KASH5: variants seen among roughly 807,000 people sequenced by gnomAD.
KASH5 encodes the protein KASH domain containing 5.
In KASH5, 72 loss-of-function variants were observed where a neutral mutation model predicts 84.2. That is an observed-to-expected ratio of 0.85 (90% confidence interval 0.71 to 1.04). The LOEUF (loss-of-function observed/expected upper bound fraction) is 1.04. Ranked by LOEUF, KASH5 falls within the 50% of genes least tolerant of loss-of-function variation. The probability of loss-of-function intolerance (pLI) is 0.00; values close to 1 mark genes in which losing one functional copy is unlikely to be tolerated. For synonymous variants in KASH5, 260 were observed against 279.1 expected (o/e 0.93, Z 0.68); for missense variants, 650 against 701.0 (o/e 0.93, Z 0.82).
rs34761054 is a variant in KASH5 at position 49,413,839 on chromosome 19, A to G, written c.1328+813A>G. On this transcript the variant is annotated intron_variant, in intron 16 of 19. Transcript: ENST00000447857. ...GGACCTTGAGAGGGGTTGGGTCCCAAGTAGAAGTTTCAGGGGATCAGATAG... is the reference window on the plus strand; with the variant it reads ...GGACCTTGAGAGGGGTTGGGTCCCAGGTAGAAGTTTCAGGGGATCAGATAG... Among the ~76,000 whole-genome samples the G allele has an allele frequency of 8.4e-3, 1,279 of 152,182 alleles. 8 individuals are homozygous for G. Among genetic ancestry groups the G allele is most frequent in the South Asian group, 0.016 (77 of 4,816 alleles).
rs143570496 is a variant in KASH5, at chr19:49,416,434, G to A, written c.1375-581G>A. 4.4e-3 allele frequency among the ~76,000 whole-genome samples: 675 copies of A among 152,206 alleles called. 5 individuals are homozygous for A. Among genetic ancestry groups the A allele is most frequent in the African/African-American group, 0.015 (636 of 41,522 alleles). ...TCTCCATGTCCTGACCTTGTGATCC[G>A]CCCGCTTCAGCCTCCCAAAGTGCCG... On this transcript the variant is annotated intron_variant, in intron 17 of 19. Transcript: ENST00000447857. This position sits in a 1 kb window ranked among gnomAD's most constrained non-coding sequence, Gnocchi z 5.4.
rs887941585 is a variant in KASH5 at position 49,416,217 on chromosome 19, G to A, written c.1375-798G>A. On this transcript the variant is annotated intron_variant, in intron 17 of 19. Transcript: ENST00000447857. The surrounding 1 kb of genome is among the most constrained non-coding windows in gnomAD (Gnocchi z 5.4). Reference sequence around the variant, plus strand: ...TTGTTTTTGGTTTTTGTTTTGAGATGGAGTCTTGCTCTGTCGCCAGGCTGG... The same window carrying A: ...TTGTTTTTGGTTTTTGTTTTGAGATAGAGTCTTGCTCTGTCGCCAGGCTGG... Among the ~76,000 whole-genome samples the A allele has an allele frequency of 6.6e-6, 1 of 152,180 alleles. No individual in the cohort carries two copies. The highest frequency in any genetic ancestry group is 2.4e-5 in the African/African-American group (1 of 41,444).
rs533543742 is a variant in KASH5 at position 49,390,386 on chromosome 19, CCCGTACCCAGGAT to C, written c.-95-402_-95-390del. ...CCTTGGCGTCAGGGCCAGGGTCTCACCCGTACCCAGGATTCAGGGAGCCATGGAAGGGTACTTA... is the reference window on the plus strand; with the variant it reads ...CCTTGGCGTCAGGGCCAGGGTCTCACTCAGGGAGCCATGGAAGGGTACTTA... On this transcript the variant is annotated intron_variant, in intron 1 of 19. Transcript: ENST00000447857. 2.6e-4 allele frequency: 41 copies of C among 160,382 alleles called. No homozygotes were observed. In the East Asian group the frequency reaches 7.7e-3, roughly 30 times the overall value. 9.9% of individuals were successfully genotyped at this position (160,382 alleles called of 1,614,324 possible).
At chr19:49,394,712 T>C in intron 3 of KASH5, 132 bp downstream of exon 3, 1 of 672,114 alleles carries the variant, frequency 1.5e-6, no homozygotes, top group Non-Finnish European at 2.6e-6. Flanking sequence ...AAGTGGGTGA[T>C]TATGGGAAGC....
intron 9 of KASH5, among the ~76,000 whole-genome samples, chr19:49,405,956 CAAA>C (rs59895865): frequency 7.4e-5 from 5 of 67,846 alleles, no homozygotes; most frequent in Non-Finnish European, 5.7e-5. Context: ...AACTCCGTCT[CAAA>C]AAAAAAAAAA....
At chr19:49,401,617 A>G (rs1042926739) in intron 9 of KASH5, among the ~76,000 whole-genome samples, 1 of 152,098 alleles carries the variant, frequency 6.6e-6, no homozygotes, top group African/African-American at 2.4e-5. Context: ...TTCTCCATCC[A>G]TACCCTCCAC....
rs922296826 is a variant in KASH5, at chr19:49,417,878, C to T, written c.*368C>T. On this transcript the variant is annotated 3_prime_UTR_variant, in exon 20 of 20. Coordinates refer to ENST00000447857, the MANE Select transcript of KASH5 (RefSeq NM_144688.5). The surrounding 1 kb of genome is among the most constrained non-coding windows in gnomAD (Gnocchi z 5.2). ...GTTGTAGCTTCCTACATCACATCTG[C>T]GGGAAACGGAAATTTCTTCCTTCCT... The T allele has an allele frequency of 3.2e-5, 7 of 219,310 alleles. No homozygotes were observed. The highest frequency in any genetic ancestry group is 2.9e-4 in the Admixed American group (5 of 17,354). The allele number at this position is 219,310 out of a possible 1,614,324, so 13.6% of individuals were successfully genotyped here. A position where few individuals can be genotyped will look rare whatever the true frequency, so the allele number is the denominator to read the frequency against.
At chr19:49,411,951 GGAAGGAAGGAA>G (rs1009714201) in intron 15 of KASH5, among the ~76,000 whole-genome samples, 17 of 150,026 alleles carry the variant, frequency 1.1e-4, no homozygotes, top group Non-Finnish European at 2.2e-4. Flanking sequence ...AAGGAAGGAA[GGAAGGAAGGAA>G]GGAAGGAAGG....
chr19:49,407,734 A>G, intron 12 of KASH5, 63 bp downstream of exon 12: 2 of 1,505,790 alleles, frequency 1.3e-6, no homozygotes, highest in Non-Finnish European at 1.8e-6. Context: ...CATCTCTGGG[A>G]CTTGCTGCCT....
Position 49,412,190 on chromosome 19 carries a change from C to A in KASH5, c.1270-778C>A, listed in dbSNP as rs940992082. On this transcript the variant is annotated intron_variant, in intron 15 of 19. Coordinates refer to ENST00000447857, the MANE Select transcript of KASH5 (RefSeq NM_144688.5). This position sits in a 1 kb window ranked among gnomAD's most constrained non-coding sequence, Gnocchi z 4.6. ...GGTCAGCTCCGGGCTTAAAAAGATCCCTCTGGAACCATGTGAGGGACCTAC... is the reference window on the plus strand; with the variant it reads ...GGTCAGCTCCGGGCTTAAAAAGATCACTCTGGAACCATGTGAGGGACCTAC... 1.3e-5 allele frequency among the ~76,000 whole-genome samples: 2 copies of A among 152,016 alleles called. No homozygotes were observed. The highest frequency in any genetic ancestry group is 2.9e-5 in the Non-Finnish European group (2 of 67,996).
chr19:49,411,111 T>C (rs1600946964), intron 15 of KASH5, among the ~76,000 whole-genome samples: 1 of 151,986 alleles, frequency 6.6e-6, no homozygotes, highest in East Asian at 1.9e-4. Context: ...AGCTAAATTT[T>C]CTATTTTTTG....
chr19:49,415,036 T>C (rs777246519), intron 17 of KASH5, 40 bp downstream of exon 17: 15 of 1,577,402 alleles, frequency 9.5e-6, no homozygotes, highest in Non-Finnish European at 1.2e-5. Flanking sequence ...CCCCATCCAC[T>C]CCACACCCAC....
intron 1 of KASH5, among the ~76,000 whole-genome samples, chr19:49,389,320 C>T: frequency 6.7e-6 from 1 of 149,750 alleles, no homozygotes; most frequent in Non-Finnish European, 1.5e-5. Context: ...TCCAGCCAGA[C>T]ACTCCCCAGA....
In KASH5 at chr19:49,398,101, G is replaced by T. The variant is rs573444137; in HGVS notation, c.587G>T (p.Arg196Leu). 6.2e-7 allele frequency: 1 copy of T among 1,605,644 alleles called. No individual in the cohort carries two copies. ...GAGACAGCTGAGGAGGGGTCAGCACGCCTTGGGGAGGAGATCTTGGCTCTG... is the reference window on the plus strand; with the variant it reads ...GAGACAGCTGAGGAGGGGTCAGCACTCCTTGGGGAGGAGATCTTGGCTCTG... ...SMETAEEGSA[R>L]LGEEILALRK... The change falls in exon 7 of 20, where the codon CGC (arginine) becomes CTC (leucine). Residue 196 changes from arginine (R) to leucine (L), a missense_variant. Coordinates refer to ENST00000447857, the MANE Select transcript of KASH5 (RefSeq NM_144688.5).
rs1428215211 is a variant in KASH5 at position 49,399,425 on chromosome 19, G to T, written c.748-32G>T. On this transcript the variant is annotated intron_variant, in intron 8 of 19. Coordinates refer to ENST00000447857, the MANE Select transcript of KASH5 (RefSeq NM_144688.5). This position sits in a 1 kb window ranked among gnomAD's most constrained non-coding sequence, Gnocchi z 4.4. ...ACATGGGGGCAAGGAGGCTAGAAAT[G>T]AAACCTTTGTCCTCTCTCTGGGGTT... 1 of 1,598,362 alleles carries T rather than the reference G, an allele frequency of 6.3e-7. No homozygotes were observed. The highest frequency in any genetic ancestry group is 8.5e-7 in the Non-Finnish European group (1 of 1,170,458).
rs777472603 is a variant in KASH5, at chr19:49,417,527, C to T, written c.*17C>T. On this transcript the variant is annotated 3_prime_UTR_variant, in exon 20 of 20. Coordinates refer to ENST00000447857, the MANE Select transcript of KASH5 (RefSeq NM_144688.5). The surrounding 1 kb of genome is among the most constrained non-coding windows in gnomAD (Gnocchi z 5.2). ...CCAGTGTGAGAGGCTCTACTTGCCC[C>T]TCAGAGCAGTGTCTAGCTCAATAAA... is the stretch of plus-strand genomic sequence containing the variant. 1.3e-6 allele frequency: 2 copies of T among 1,517,718 alleles called. No homozygotes were observed. Among genetic ancestry groups the T allele is most frequent in the East Asian group, 4.9e-5 (2 of 40,484 alleles). 94.0% of individuals were successfully genotyped at this position (1,517,718 alleles called of 1,614,324 possible).
In KASH5 at chr19:49,395,900, C is replaced by A; in HGVS notation, c.400+67C>A. On this transcript the variant is annotated intron_variant, in intron 5 of 19. Transcript: ENST00000447857. The surrounding 1 kb of genome is among the most constrained non-coding windows in gnomAD (Gnocchi z 4.4). ...TCAGACAGTGTGGGGACTTACCACC[C>A]AGGGCAGAGCAAGGGATAGGGTAGG... 2 of 1,350,928 alleles carry A rather than the reference C, an allele frequency of 1.5e-6. No individual in the cohort carries two copies. Among genetic ancestry groups the A allele is most frequent in the Non-Finnish European group, 2.1e-6 (2 of 974,236 alleles). The allele number at this position is 1,350,928 out of a possible 1,614,324, so 83.7% of individuals were successfully genotyped here. A position where few individuals can be genotyped will look rare whatever the true frequency, so the allele number is the denominator to read the frequency against.
chr19:49,407,426 C>T, intron 11 of KASH5, 130 bp downstream of exon 11: 1 of 1,160,098 alleles, frequency 8.6e-7, no homozygotes, highest in Non-Finnish European at 1.2e-6. Context: ...TGGAGGGTTT[C>T]CCCAGGTCCC....
In KASH5 at chr19:49,407,409, G is replaced by A. The variant is rs543712878; in HGVS notation, c.933+113G>A. 80 of 1,241,504 alleles carry A rather than the reference G, an allele frequency of 6.4e-5. 1 individual carries two copies. In the South Asian group the frequency reaches 1.0e-3, roughly 16 times the overall value. 76.9% of individuals were successfully genotyped at this position (1,241,504 alleles called of 1,614,324 possible). ...GGTCTGATCCTTGGATGTGCAGCTG[G>A]AGAGACTGGAGGGTTTCCCCAGGTC... On this transcript the variant is annotated intron_variant, in intron 11 of 19. Transcript: ENST00000447857.
Sources: gnomAD v4.1 joint callset for allele counts (sites outside exome capture counted in the v4.1 genomes callset) on GRCh38, gnomAD v4.1.1 for gene constraint, Gnocchi (gnomAD v3.1) non-coding constraint, MANE v1.5 for transcripts, NCBI Gene and HGNC (gene_info 2026-07-23, HGNC 2026-07-21) for gene names.